The following LRRC4C variants were observed in gnomAD, a reference collection of about 807,000 sequenced individuals.
The protein encoded by LRRC4C is leucine-rich repeat-containing protein 4C.
In LRRC4C, 5 loss-of-function variants were observed where a neutral mutation model predicts 33.6. That is an observed-to-expected ratio of 0.15 (90% confidence interval 0.08 to 0.31). The LOEUF (loss-of-function observed/expected upper bound fraction) is 0.31. LRRC4C is among the 10% of genes least tolerant of loss of function. LRRC4C has a pLI of 1.00. For synonymous variants in LRRC4C, 329 were observed against 302.0 expected (o/e 1.09, Z -0.93); for missense variants, 560 against 796.7 (o/e 0.70, Z 3.58).
At chr11:40,129,530 A>C (rs182125037) in intron 6 of LRRC4C, among the ~76,000 whole-genome samples, 4 of 152,292 alleles carry the variant, frequency 2.6e-5, no homozygotes. Flanking sequence ...GAGGATGCCT[A>C]GTTGTTTTCA....
chr11:40,219,395 C>T (rs995628298), intron 5 of LRRC4C, among the ~76,000 whole-genome samples: 4 of 152,166 alleles, frequency 2.6e-5, no homozygotes, highest in African/African-American at 9.7e-5. Flanking sequence ...CCACCCATGT[C>T]TACCCTACGT....
intron 2 of LRRC4C, among the ~76,000 whole-genome samples, chr11:40,801,437 T>C (rs1951037882): frequency 6.6e-6 from 1 of 152,182 alleles, no homozygotes; most frequent in Non-Finnish European, 1.5e-5. Flanking sequence ...TTATAGCAAT[T>C]ACTTCTTTCT....
At chr11:40,477,678 G>A (rs1173796391) in intron 3 of LRRC4C, among the ~76,000 whole-genome samples, 1 of 151,886 alleles carries the variant, frequency 6.6e-6, no homozygotes, top group Non-Finnish European at 1.5e-5. Context: ...ACGTGGCTCT[G>A]AGAGTTCATC....
intron 5 of LRRC4C, among the ~76,000 whole-genome samples, chr11:40,237,318 T>C (rs1206323406): frequency 2.0e-5 from 3 of 152,352 alleles, no homozygotes; most frequent in Admixed American, 2.0e-4. Context: ...AGCTACTTTG[T>C]GAAAAAGAGA....
intron 2 of LRRC4C, among the ~76,000 whole-genome samples, chr11:40,676,177 G>A (rs1206986150): frequency 1.3e-5 from 2 of 152,104 alleles, no homozygotes; most frequent in Non-Finnish European, 2.9e-5. Context: ...AGATGATGAA[G>A]ACTGAACAAC....
At chr11:40,352,116 TTCCTTCCTTCCTTCCTTCCTTC>T (rs1947426137) in intron 3 of LRRC4C, among the ~76,000 whole-genome samples, 6 of 66,836 alleles carry the variant, frequency 9.0e-5, no homozygotes, top group East Asian at 7.0e-4. Context: ...TCTTTCTTCC[TTCCTTCCTTCCTTCCTTCCTTC>T]CTTCCTTCCT....
chr11:40,686,639 C>T (rs1208799408), intron 2 of LRRC4C, among the ~76,000 whole-genome samples: 3 of 151,996 alleles, frequency 2.0e-5, no homozygotes, highest in Non-Finnish European at 4.4e-5. Flanking sequence ...GATGAGTAGC[C>T]TTTTCCCCAT....
chr11:40,198,372 G>A (rs980434786), intron 5 of LRRC4C, among the ~76,000 whole-genome samples: 1 of 152,150 alleles, frequency 6.6e-6, no homozygotes, highest in Non-Finnish European at 1.5e-5. Context: ...ACTTGAATTA[G>A]TGGAAATCTA....
intron 3 of LRRC4C, among the ~76,000 whole-genome samples, chr11:40,538,577 G>A (rs902932826): frequency 3.3e-5 from 5 of 152,134 alleles, no homozygotes; most frequent in Admixed American, 3.3e-4. Context: ...ATTGTGAATA[G>A]TGCCGCAATA....
At chr11:40,275,455 C>T (rs1943034391) in intron 4 of LRRC4C, among the ~76,000 whole-genome samples, 1 of 152,122 alleles carries the variant, frequency 6.6e-6, no homozygotes, top group Admixed American at 6.6e-5. Context: ...TACTACAGAA[C>T]ATAAAAGCAG....
intron 1 of LRRC4C, among the ~76,000 whole-genome samples, chr11:41,145,254 C>T (rs1471414455): frequency 1.3e-5 from 2 of 152,092 alleles, no homozygotes; most frequent in Admixed American, 6.6e-5. Context: ...AAACCTTTGA[C>T]CCATCTGAAG....
chr11:40,227,429 G>C (rs1381556496), intron 5 of LRRC4C, among the ~76,000 whole-genome samples: 1 of 152,174 alleles, frequency 6.6e-6, no homozygotes, highest in Non-Finnish European at 1.5e-5. Context: ...TGTGAAGTTA[G>C]AATTAGGTCA....
chr11:40,711,735 A>C (rs561050256), intron 2 of LRRC4C, among the ~76,000 whole-genome samples: 3 of 152,048 alleles, frequency 2.0e-5, no homozygotes, highest in South Asian at 2.1e-4. Context: ...AAAAAAAAAA[A>C]AACTTTGTAC....
intron 2 of LRRC4C, among the ~76,000 whole-genome samples, chr11:40,789,037 G>A (rs1484115702): frequency 6.8e-6 from 1 of 146,628 alleles, no homozygotes; most frequent in African/African-American, 2.5e-5. Context: ...AGCTTGCAGT[G>A]AGCCGAGATC....
chr11:40,810,377 C>G (rs530427868), intron 2 of LRRC4C, among the ~76,000 whole-genome samples: 93 of 152,230 alleles, frequency 6.1e-4, no homozygotes, highest in Non-Finnish European at 1.0e-3. Context: ...TAGGAGTACC[C>G]CAACACTGGG....
At chr11:41,420,524 T>C (rs1042176159) in intron 1 of LRRC4C, among the ~76,000 whole-genome samples, 1 of 152,080 alleles carries the variant, frequency 6.6e-6, no homozygotes, top group African/African-American at 2.4e-5. Context: ...AAAGCATACA[T>C]TGCTAGTGCA....
intron 3 of LRRC4C, among the ~76,000 whole-genome samples, chr11:40,542,574 T>C (rs1956764834): frequency 6.6e-6 from 1 of 152,170 alleles, no homozygotes; most frequent in African/African-American, 2.4e-5. Context: ...GACCACTTTT[T>C]ATAATAATTT....
chr11:41,014,650 C>T (rs1271130226), intron 1 of LRRC4C, among the ~76,000 whole-genome samples: 2 of 152,052 alleles, frequency 1.3e-5, no homozygotes, highest in Admixed American at 1.3e-4. Flanking sequence ...TTAATCCCTT[C>T]TAGATGAAGG....
chr11:40,305,932 G>A (rs1268422329), intron 4 of LRRC4C, among the ~76,000 whole-genome samples: 5 of 152,158 alleles, frequency 3.3e-5, no homozygotes, highest in African/African-American at 4.8e-5. Flanking sequence ...ACCAAGTTGT[G>A]CGTTACTATG....
Sources: allele counts gnomAD v4.1 joint callset (sites outside exome capture counted in the v4.1 genomes callset), GRCh38; gene constraint gnomAD v4.1.1; transcripts MANE v1.5; gene names NCBI Gene and HGNC (gene_info 2026-07-23, HGNC 2026-07-21).